The following SETX variants were observed in gnomAD, a reference collection of about 807,000 sequenced individuals.
SETX encodes the protein helicase senataxin.
In SETX, 90 loss-of-function variants were observed where a neutral mutation model predicts 227.2. The ratio of observed to expected loss-of-function variants is 0.40; its 90% CI spans 0.33 to 0.47. SETX has a LOEUF of 0.47. SETX is among the 20% of genes least tolerant of loss of function. SETX has a pLI of 0.91. For synonymous variants in SETX, 1,210 were observed against 1,113.2 expected, an observed-to-expected ratio of 1.09 and a Z score of -1.73; for missense variants, 3,052 against 3,181.5, an observed-to-expected ratio of 0.96 and a Z score of 0.98.
chr9:132,340,783 C>T (rs1468611462), intron 5 of SETX, among the ~76,000 whole-genome samples: 1 of 152,174 alleles, frequency 6.6e-6, no homozygotes, highest in Non-Finnish European at 1.5e-5. Flanking sequence ...TCACCTGGAT[C>T]AGATCTTTTA....
chr9:132,352,267 G>T (rs1848641968), intron 2 of SETX, among the ~76,000 whole-genome samples: 1 of 151,978 alleles, frequency 6.6e-6, no homozygotes, highest in African/African-American at 2.4e-5. Flanking sequence ...ACCATTTTTT[G>T]GACACCACTT....
chr9:132,289,909 T>A (rs1844188375), intron 15 of SETX, among the ~76,000 whole-genome samples: 1 of 152,230 alleles, frequency 6.6e-6, no homozygotes, highest in Non-Finnish European at 1.5e-5. Context: ...CTATTGGGTT[T>A]TTTAAAATCT....
intron 24 of SETX, 23 bp downstream of exon 24, chr9:132,271,687 G>C: frequency 6.4e-7 from 1 of 1,573,588 alleles, no homozygotes; most frequent in Admixed American, 1.7e-5. Context: ...AAGTATAAAA[G>C]AGCAACAATG....
chr9:132,328,590 T>G lies in SETX; in HGVS notation c.3008A>C (p.Asn1003Thr). Residue 1003 changes from asparagine (N) to threonine (T), a missense_variant, in exon 10 of 26, where the codon AAT (asparagine) becomes ACT (threonine). Transcript: ENST00000224140. ...TCCACGGGAGGTATCTCCAACATTATTTTGGTTAGCTGTGAAACATCTTTT... is the reference window on the plus strand; with the variant it reads ...TCCACGGGAGGTATCTCCAACATTAGTTTGGTTAGCTGTGAAACATCTTTT... ...EDKRCFTANQ[N>T]NVGDTSRGQV... 1 of 1,613,912 alleles carries G rather than the reference T, an allele frequency of 6.2e-7. No individual in the cohort carries two copies. Among genetic ancestry groups the G allele is most frequent in the Non-Finnish European group, 8.5e-7 (1 of 1,179,942 alleles).
chr9:132,336,280 T>G lies in SETX; in HGVS notation c.718+16A>C, dbSNP rs769647958. 134 of 1,581,072 alleles carry G rather than the reference T, an allele frequency of 8.5e-5. No homozygotes were observed. The highest frequency in any genetic ancestry group is 1.1e-4 in the Non-Finnish European group (129 of 1,150,096). On this transcript the variant is annotated intron_variant, in intron 6 of 25. Transcript: ENST00000224140. Reference sequence around the variant, plus strand: ...TACGAAAATACCAATTATATTAGTGTAGGAATAATACTCACCTAACCAATA... The same window carrying G: ...TACGAAAATACCAATTATATTAGTGGAGGAATAATACTCACCTAACCAATA...
At chr9:132,274,440 C>CTT (rs1346968200) in intron 23 of SETX, among the ~76,000 whole-genome samples, 131 of 132,472 alleles carry the variant, frequency 9.9e-4, no homozygotes, top group African/African-American at 3.2e-3. Context: ...CTGATTTTTT[C>CTT]TTTTTTTTTT....
chr9:132,288,372 A>G, intron 16 of SETX, 21 bp from the exon 17 acceptor site: 1 of 1,553,782 alleles, frequency 6.4e-7, no homozygotes, highest in Non-Finnish European at 8.8e-7. Context: ...TAACAAATAA[A>G]AAATTATATG....
At position 132,329,443 on chromosome 9, in the gene SETX, A is replaced by C. The variant is rs1254764813; in HGVS notation, c.2155T>G (p.Ser719Ala). Reference protein sequence around the residue: ...TRKQKSVKEISSYTPKDCTSR... With the variant: ...TRKQKSVKEIASYTPKDCTSR... ...GTACAGTCCTTTGGTGTATATGAAGAGATCTCTTTTACAGACTTCTGCTTC... is the reference window on the plus strand; with the variant it reads ...GTACAGTCCTTTGGTGTATATGAAGCGATCTCTTTTACAGACTTCTGCTTC... Residue 719 changes from serine to alanine, a missense_variant, in exon 10 of 26, where the codon TCT becomes GCT. By Grantham distance (99) the Ser-to-Ala change is moderately conservative (BLOSUM62 1). Around this residue, in one of 10 missense-constraint regions of SETX, gnomAD observed 1,483 missense variants for 1,312.0 expected, o/e 1.13. Coordinates refer to ENST00000224140, the MANE Select transcript of SETX (RefSeq NM_015046.7). 1 of 1,613,350 alleles carries C rather than the reference A, an allele frequency of 6.2e-7. No homozygotes were observed. The highest frequency in any genetic ancestry group is 1.1e-5 in the South Asian group (1 of 90,992).
intron 11 of SETX, among the ~76,000 whole-genome samples, chr9:132,311,525 G>A (rs1350543794): frequency 6.6e-6 from 1 of 151,928 alleles, no homozygotes; most frequent in African/African-American, 2.4e-5. Flanking sequence ...AGCCCCCACT[G>A]ACAATTCAGC....
At chr9:132,267,166 G>A (rs1842688116) in intron 25 of SETX, among the ~76,000 whole-genome samples, 1 of 152,194 alleles carries the variant, frequency 6.6e-6, no homozygotes, top group Admixed American at 6.5e-5. Context: ...GATGAACTAT[G>A]GTAATAAGCT....
intron 10 of SETX, among the ~76,000 whole-genome samples, chr9:132,317,954 T>C (rs1204815508): frequency 2.0e-5 from 3 of 152,206 alleles, no homozygotes; most frequent in East Asian, 3.8e-4. Context: ...TCCTTCTCCA[T>C]TTCTAAGAAA....
chr9:132,330,013 T>C lies in SETX; in HGVS notation c.1585A>G (p.Asn529Asp), dbSNP rs1847120441. 6.2e-7 allele frequency: 1 copy of C among 1,614,190 alleles called. No individual in the cohort carries two copies. The highest frequency in any genetic ancestry group is 2.2e-5 in the East Asian group (1 of 44,888). ...TGCACATAAGCAAGTTGTACAGAGT[T>C]AGATGGCATGGAATGCAATGACAGT... is the stretch of plus-strand genomic sequence containing the variant. ...SSLSLHSMPS[N>D]SVQLAYVQLI... Residue 529 changes from asparagine (N) to aspartate (D), a missense_variant, in exon 10 of 26, where the codon AAC becomes GAC. Transcript: ENST00000224140.
chr9:132,340,150 A>G (rs1219593645), intron 5 of SETX, among the ~76,000 whole-genome samples: 1 of 151,806 alleles, frequency 6.6e-6, no homozygotes, highest in Non-Finnish European at 1.5e-5. Flanking sequence ...TTTATTTTAA[A>G]TATCTCATTT....
chr9:132,329,264 T>G lies in SETX; in HGVS notation c.2334A>C (p.Arg778=). The change falls in exon 10 of 26, where the codon CGA becomes CGC. Residue 778 remains arginine (R), a synonymous_variant. Coordinates refer to ENST00000224140, the MANE Select transcript of SETX (RefSeq NM_015046.7). Reference sequence around the variant, plus strand: ...TTTCATCTTTCTGTACCTTAGTTTTTCGTTTTGAGGTTTTAGCAAGAGCAT... The same window carrying G: ...TTTCATCTTTCTGTACCTTAGTTTTGCGTTTTGAGGTTTTAGCAAGAGCAT... ...KDDALAKTSK[R]KTKVQKDEIC... The G allele has an allele frequency of 1.9e-6, 3 of 1,613,926 alleles. No homozygotes were observed. Among genetic ancestry groups the G allele is most frequent in the Non-Finnish European group, 2.5e-6 (3 of 1,179,928 alleles).
chr9:132,283,467 G>A, intron 18 of SETX, 54 bp from the exon 19 acceptor site: 1 of 1,594,470 alleles, frequency 6.3e-7, no homozygotes, highest in Non-Finnish European at 8.6e-7. Context: ...CCTTGACTAT[G>A]ACAGGCCTAT....
chr9:132,315,070 G>A (rs915722899), intron 10 of SETX, among the ~76,000 whole-genome samples: 4 of 151,552 alleles, frequency 2.6e-5, no homozygotes, highest in African/African-American at 4.8e-5. Flanking sequence ...GTGCCACCAC[G>A]CCCGGCTAAT....
Position 132,264,588 on chromosome 9 carries a change from CT to C in SETX, c.7684del (p.Ser2562AlafsTer23). On this transcript the variant is annotated frameshift_variant, in exon 26 of 26. Coordinates refer to ENST00000224140, the MANE Select transcript of SETX (RefSeq NM_015046.7). LOFTEE classifies it low-confidence loss of function (END_TRUNC). ...GIFLWDPQPSSPQHPGATPPT... is the reference protein window; with the variant it reads ...GIFLWDPQPSXPQHPGATPPT... Reference sequence around the variant, plus strand: ...AGGTGTTGCTCCAGGATGCTGGGGGCTCGAGGGTTGTGGATCCCAAAGGAAT... The same window carrying C: ...AGGTGTTGCTCCAGGATGCTGGGGGCCGAGGGTTGTGGATCCCAAAGGAAT... The C allele has an allele frequency of 6.2e-7, 1 of 1,614,148 alleles. No homozygotes were observed. Among genetic ancestry groups the C allele is most frequent in the Middle Eastern group, 1.6e-4 (1 of 6,062 alleles).
chr9:132,275,153 T>C (rs1181732848), intron 23 of SETX, 103 bp downstream of exon 23: 15 of 1,294,566 alleles, frequency 1.2e-5, no homozygotes, highest in Non-Finnish European at 1.7e-5. Context: ...TATCACCAAT[T>C]TGCACAGACC....
In SETX at chr9:132,272,588, T is replaced by A. The variant is rs147684347; in HGVS notation, c.7101-780A>T. On this transcript the variant is annotated intron_variant, in intron 23 of 25. Coordinates refer to ENST00000224140, the MANE Select transcript of SETX (RefSeq NM_015046.7). ...TGCCTCAGCCTCCCAAGGAGATGCA[T>A]GCACCACCATGCTCGGCTGCTAAGA... 3.3e-3 allele frequency among the ~76,000 whole-genome samples: 498 copies of A among 152,260 alleles called. 2 individuals carry two copies. The highest frequency in any genetic ancestry group is 0.011 in the African/African-American group (458 of 41,540).
Sources: allele counts gnomAD v4.1 joint callset (sites outside exome capture counted in the v4.1 genomes callset), GRCh38; gene constraint gnomAD v4.1.1; regional missense constraint gnomAD v4.1.1; transcripts MANE v1.5; gene names NCBI Gene and HGNC (gene_info 2026-07-23, HGNC 2026-07-21).